RGS7: variants seen among roughly 807,000 people sequenced by gnomAD.
RGS7 encodes the protein regulator of G protein signaling 7, also known as regulator of G-protein signaling 7.
RGS7 carries 27 observed loss-of-function variants against 81.1 expected under a neutral mutation model. The ratio of observed to expected loss-of-function variants is 0.33; its 90% CI spans 0.25 to 0.46. RGS7 has a LOEUF of 0.46. RGS7 is among the 20% of genes least tolerant of loss of function. The pLI, the probability that RGS7 is intolerant of heterozygous loss-of-function variation, is 1.00. For synonymous variants in RGS7, 208 were observed against 207.7 expected (o/e 1.00, Z -0.01); for missense variants, 396 against 607.4 (o/e 0.65, Z 3.66).
chr1:241,322,435 T>C lies in RGS7; in HGVS notation c.78+33264A>G, dbSNP rs138820548. ...GACTATATATTCACTCTTTAACTGA[T>C]ACTAAAAGTTGTTTTAGCCAGTTAA... On this transcript the variant is annotated intron_variant, in intron 2 of 18. Coordinates refer to ENST00000440928, the MANE Select transcript of RGS7 (RefSeq NM_001364886.1). Among the ~76,000 whole-genome samples, 393 of 152,368 alleles carry C rather than the reference T, an allele frequency of 2.6e-3. 3 individuals carry two copies. The highest frequency in any genetic ancestry group is 9.2e-3 in the African/African-American group (381 of 41,584).
chr1:240,827,303 T>C (rs1572284528), intron 9 of RGS7, 131 bp from the exon 10 acceptor site: 1 of 749,730 alleles, frequency 1.3e-6, no homozygotes. Flanking sequence ...AGGTGTTTTC[T>C]AGATGGCCAC....
chr1:241,141,035 A>G, intron 2 of RGS7, among the ~76,000 whole-genome samples: 1 of 152,114 alleles, frequency 6.6e-6, no homozygotes, highest in East Asian at 1.9e-4. Context: ...TAAAAATGTA[A>G]AAGTTTTTTC....
chr1:240,902,248 C>T (rs1670132837), intron 6 of RGS7, among the ~76,000 whole-genome samples: 1 of 152,136 alleles, frequency 6.6e-6, no homozygotes, highest in Non-Finnish European at 1.5e-5. Flanking sequence ...GTTTAAACTA[C>T]AAAAAACTAC....
At chr1:240,789,310 G>A (rs532033142) in intron 18 of RGS7, among the ~76,000 whole-genome samples, 11 of 152,090 alleles carry the variant, frequency 7.2e-5, no homozygotes, top group Non-Finnish European at 1.2e-4. Context: ...TGATGATTGC[G>A]TTAACTGTAC....
At chr1:241,021,482 G>A (rs888669588) in intron 3 of RGS7, among the ~76,000 whole-genome samples, 3 of 152,242 alleles carry the variant, frequency 2.0e-5, no homozygotes, top group African/African-American at 7.2e-5. Flanking sequence ...ACACATCTCC[G>A]ATTGGTGCAC....
chr1:240,964,407 A>G (rs1681962205), intron 4 of RGS7, among the ~76,000 whole-genome samples: 1 of 152,150 alleles, frequency 6.6e-6, no homozygotes. Flanking sequence ...TGACTTTTCA[A>G]CAGCGACGTG....
chr1:241,139,153 C>T (rs910975179), intron 2 of RGS7, among the ~76,000 whole-genome samples: 4 of 151,432 alleles, frequency 2.6e-5, no homozygotes, highest in Admixed American at 6.6e-5. Context: ...TCATTCACAC[C>T]CATCTTCCTC....
At chr1:240,919,745 C>A in intron 6 of RGS7, 1 of 641,314 alleles carries the variant, frequency 1.6e-6, no homozygotes. Context: ...GCCTGAGGGG[C>A]CATTTTCAGC....
chr1:241,017,292 T>A (rs7548476), intron 3 of RGS7, among the ~76,000 whole-genome samples: 10,118 of 152,054 alleles, frequency 0.067, 1,043 homozygotes, highest in African/African-American at 0.22. Context: ...AATACAAAAA[T>A]TAGCTGGGCG....
chr1:241,087,124 C>T (rs7549046), intron 3 of RGS7, among the ~76,000 whole-genome samples: 37,459 of 152,052 alleles, frequency 0.25, 6,306 homozygotes, highest in African/African-American at 0.47. Flanking sequence ...CCTGACAAAA[C>T]GCTCACACAC....
chr1:240,864,060 T>C (rs540594007), intron 9 of RGS7, among the ~76,000 whole-genome samples: 1 of 152,260 alleles, frequency 6.6e-6, no homozygotes, highest in East Asian at 1.9e-4. Context: ...AACATGAGCA[T>C]CTGTATCTCC....
At chr1:240,777,534 G>A (rs992934531) in intron 18 of RGS7, among the ~76,000 whole-genome samples, 6 of 152,148 alleles carry the variant, frequency 3.9e-5, no homozygotes, top group Admixed American at 6.5e-5. Flanking sequence ...AGCGGTGATG[G>A]GAGATACATC....
At chr1:241,291,621 C>T (rs1226777104) in intron 2 of RGS7, among the ~76,000 whole-genome samples, 1 of 104,824 alleles carries the variant, frequency 9.5e-6, no homozygotes, top group Non-Finnish European at 1.8e-5. Flanking sequence ...TCTTGTTGCC[C>T]AGGCTGGAGT....
chr1:241,148,055 T>C (rs1288178185), intron 2 of RGS7, among the ~76,000 whole-genome samples: 3 of 140,310 alleles, frequency 2.1e-5, no homozygotes, highest in East Asian at 4.0e-4. Flanking sequence ...CTTTTTCTTT[T>C]TTTTTTTTTT....
At chr1:240,943,626 G>C (rs16841106) in intron 4 of RGS7, among the ~76,000 whole-genome samples, 17,202 of 152,114 alleles carry the variant, frequency 0.11, 2,111 homozygotes, top group African/African-American at 0.31. Context: ...AAACCAGAGT[G>C]TTTTGTGGGC....
intron 3 of RGS7, among the ~76,000 whole-genome samples, chr1:241,072,046 A>G (rs2062502665): frequency 6.6e-6 from 1 of 152,220 alleles, no homozygotes; most frequent in African/African-American, 2.4e-5. Flanking sequence ...CTGGAAAGCC[A>G]TCTTTATGAC....
chr1:241,135,124 C>G (rs2067409669), intron 2 of RGS7, among the ~76,000 whole-genome samples: 1 of 152,122 alleles, frequency 6.6e-6, no homozygotes, highest in African/African-American at 2.4e-5. Context: ...TGCCCAGGCG[C>G]TCATTAAAAC....
In RGS7 at chr1:240,775,800, TACAG is replaced by T; in HGVS notation, c.*416_*419del. 3 of 260,780 alleles carry T rather than the reference TACAG, an allele frequency of 1.2e-5. No homozygotes were observed. The highest frequency in any genetic ancestry group is 1.5e-3 in the Middle Eastern group (1 of 672). 16.2% of individuals were successfully genotyped at this position (260,780 alleles called of 1,614,324 possible). ...CTTATTGATATATACTTTTTTCTTT[TACAG>T]TTCTTCCAGTTTTTGACTGACTGAA... On this transcript the variant is annotated 3_prime_UTR_variant, in exon 19 of 19. Coordinates refer to ENST00000440928, the MANE Select transcript of RGS7 (RefSeq NM_001364886.1).
chr1:241,182,648 C>G (rs942573331), intron 2 of RGS7, among the ~76,000 whole-genome samples: 2 of 118,182 alleles, frequency 1.7e-5, no homozygotes, highest in African/African-American at 6.2e-5. Context: ...GCATCTCACG[C>G]TTTTTTTTTT....
Sources: allele counts gnomAD v4.1 joint callset (sites outside exome capture counted in the v4.1 genomes callset), GRCh38; gene constraint gnomAD v4.1.1; transcripts MANE v1.5; gene names NCBI Gene and HGNC (gene_info 2026-07-23, HGNC 2026-07-21).